The following SYT3 variants were observed in gnomAD, a reference collection of about 807,000 sequenced individuals.
SYT3 encodes synaptotagmin-3.
SYT3 carries 25 observed loss-of-function variants against 50.6 expected under a neutral mutation model. The ratio of observed to expected loss-of-function variants is 0.49; its 90% CI spans 0.36 to 0.69. The LOEUF is 0.69. Among genes scored for constraint, SYT3 ranks in the 30% least tolerant of loss-of-function variants. The pLI is 0.00. For missense variants in SYT3, 589 were observed against 793.6 expected (o/e 0.74, Z 3.10); for synonymous variants, 323 against 353.9 (o/e 0.91, Z 0.98).
At chr19:50,626,322 C>T (rs1984060484) in intron 6 of SYT3, among the ~76,000 whole-genome samples, 1 of 151,940 alleles carries the variant, frequency 6.6e-6, no homozygotes, top group Non-Finnish European at 1.5e-5. Flanking sequence ...TAGACTGAGA[C>T]AGAAGCCAAA....
the SYT3 span, among the ~76,000 whole-genome samples, chr19:50,646,632 A>C: frequency 6.6e-6 from 1 of 151,996 alleles, no homozygotes; most frequent in East Asian, 1.9e-4. Flanking sequence ...GGAGACAGAA[A>C]ACACAACTGG....
In SYT3 at chr19:50,632,515, C is replaced by T; in HGVS notation, c.445G>A (p.Gly149Ser). 6.2e-7 allele frequency: 1 copy of T among 1,610,042 alleles called. No individual in the cohort carries two copies. Among genetic ancestry groups the T allele is most frequent in the Non-Finnish European group, 8.5e-7 (1 of 1,178,790 alleles). ...GGGGTGTCAGAACCCCCCAGGCTGC[C>T]TGGCTCCAGCAGCTCAGCAAAGGGT... ...HPPFAELLEP[G>S]SLGGSDTPEP... The change falls in exon 4 of 11, where the codon GGC becomes AGC. Residue 149 changes from glycine to serine, a missense_variant. Gly to Ser is a moderately conservative substitution (Grantham distance 56). Coordinates refer to ENST00000600079, the MANE Select transcript of SYT3 (RefSeq NM_001160329.2). This position sits in a 1 kb window ranked among gnomAD's most constrained non-coding sequence, Gnocchi z 4.7.
Position 50,625,388 on chromosome 19 carries a change from C to T in SYT3, c.1574+5G>A, listed in dbSNP as rs986928146. The T allele has an allele frequency of 1.9e-6, 3 of 1,548,102 alleles. No individual in the cohort carries two copies. The highest frequency in any genetic ancestry group is 2.6e-6 in the Non-Finnish European group (3 of 1,146,796). On this transcript the variant is annotated splice_donor_5th_base_variant and intron_variant, in intron 8 of 10. Coordinates refer to ENST00000600079, the MANE Select transcript of SYT3 (RefSeq NM_001160329.2). This position sits in a 1 kb window ranked among gnomAD's most constrained non-coding sequence, Gnocchi z 7.5. ...CCTGACCCCCGCCCGGGCCGCGCCC[C>T]TCACCAGTCGTAGTCTACCACGGCG... is the stretch of plus-strand genomic sequence containing the variant.
At position 50,625,763 on chromosome 19, in the gene SYT3, C is replaced by A; in HGVS notation, c.1402+134G>T. The A allele has an allele frequency of 3.7e-6, 3 of 818,196 alleles. 1 individual carries two copies. The highest frequency in any genetic ancestry group is 1.7e-5 in the South Asian group (1 of 59,768). The allele number at this position is 818,196 out of a possible 1,614,324, so 50.7% of individuals were successfully genotyped here. A position where few individuals can be genotyped will look rare whatever the true frequency, so the allele number is the denominator to read the frequency against. ...CAGGAGTCCAGGCCCCTGGCCCCTC[C>A]TCCCTCAGACCCAGGAGTCCAGATC... On this transcript the variant is annotated intron_variant, in intron 7 of 10. Transcript: ENST00000600079. The surrounding 1 kb of genome is among the most constrained non-coding windows in gnomAD (Gnocchi z 7.5).
At chr19:50,656,119 C>T in the SYT3 span, 1 of 1,536,146 alleles carries the variant, frequency 6.5e-7, no homozygotes, top group Non-Finnish European at 8.7e-7. Context: ...CCCATCAAAT[C>T]CTCGTGAGTT....
At chr19:50,633,524 C>T (rs180860414) in intron 3 of SYT3, among the ~76,000 whole-genome samples, 188 of 152,308 alleles carry the variant, frequency 1.2e-3, no homozygotes, top group African/African-American at 4.3e-3. Context: ...GGACCCTGCA[C>T]GACACAGTTA....
At chr19:50,646,836 TATTA>T in the SYT3 span, among the ~76,000 whole-genome samples, 3 of 150,238 alleles carry the variant, frequency 2.0e-5, no homozygotes, top group Non-Finnish European at 4.4e-5. Context: ...TTTATTTATT[TATTA>T]TTTTGTTTGA....
rs1291014341 is a variant in SYT3 at position 50,632,569 on chromosome 19, G to A, written c.391C>T (p.His131Tyr). Residue 131 changes from histidine (H) to tyrosine (Y), a missense_variant, in exon 4 of 11, where the codon CAC becomes TAC. Around this residue, in one of 2 missense-constraint regions of SYT3, gnomAD observed 316 missense variants for 354.3 expected, o/e 0.89. Coordinates refer to ENST00000600079, the MANE Select transcript of SYT3 (RefSeq NM_001160329.2). This position sits in a 1 kb window ranked among gnomAD's most constrained non-coding sequence, Gnocchi z 4.7. The part of the protein sequence containing the change: ...LGGHPLLGGP[H>Y]HHAHAAHHPP... ...TGGTGGGCGGCATGGGCATGGTGGTGTGGGCCGCCCAGCAGAGGATGGCCA... is the reference window on the plus strand; with the variant it reads ...TGGTGGGCGGCATGGGCATGGTGGTATGGGCCGCCCAGCAGAGGATGGCCA... 22 of 1,592,952 alleles carry A rather than the reference G, an allele frequency of 1.4e-5. No homozygotes were observed. Among genetic ancestry groups the A allele is most frequent in the Admixed American group, 3.4e-5 (2 of 58,966 alleles).
the SYT3 span, among the ~76,000 whole-genome samples, chr19:50,645,819 G>A: frequency 6.6e-6 from 1 of 152,146 alleles, no homozygotes; most frequent in African/African-American, 2.4e-5. Context: ...GGTTGACGCT[G>A]CAGTGAGCTA....
chr19:50,655,872 C>T, the SYT3 span, among the ~76,000 whole-genome samples: 1 of 152,164 alleles, frequency 6.6e-6, no homozygotes, highest in Admixed American at 6.5e-5. Context: ...GAGTCTCAAC[C>T]CAGGCATCAC....
In SYT3 at chr19:50,632,705, G is replaced by T; in HGVS notation, c.255C>A (p.Asp85Glu). The T allele has an allele frequency of 6.3e-7, 1 of 1,590,270 alleles. No individual in the cohort carries two copies. ...SWKLCWVPWR[D>E]KGGSAVGGGP... ...CACCGCCCACTGCCGAGCCTCCCTT[G>T]TCCCGCCAGGGCACCCAGCACAACT... is the stretch of plus-strand genomic sequence containing the variant. Residue 85 changes from aspartate (D) to glutamate (E), a missense_variant, in exon 4 of 11, where the codon GAC (aspartate) becomes GAA (glutamate). Asp to Glu is a conservative substitution (Grantham distance 45, BLOSUM62 2). Transcript: ENST00000600079. The surrounding 1 kb of genome is among the most constrained non-coding windows in gnomAD (Gnocchi z 4.7).
chr19:50,639,784 ACTCACCCGGAGCCGCCGCT>A lies in SYT3; in HGVS notation c.-167_-154+5del. The A allele has an allele frequency of 7.8e-6, 1 of 127,890 alleles. No individual in the cohort carries two copies. Among genetic ancestry groups the A allele is most frequent in the Non-Finnish European group, 1.6e-5 (1 of 63,968 alleles). The allele number at this position is 127,890 out of a possible 1,614,324, so 7.9% of individuals were successfully genotyped here. A position where few individuals can be genotyped will look rare whatever the true frequency, so the allele number is the denominator to read the frequency against. ...GTGGCAGGAGGAGGGGGAGGAGCGG[ACTCACCCGGAGCCGCCGCT>A]GCCGCCGCTGCCGCCGCCGCCGCCG... On this transcript the variant is annotated splice_donor_variant and splice_donor_5th_base_variant and 5_prime_UTR_variant and intron_variant, in exon 1 of 11. Transcript: ENST00000600079. LOFTEE classifies it low-confidence loss of function (5UTR_SPLICE). This position sits in a 1 kb window ranked among gnomAD's most constrained non-coding sequence, Gnocchi z 4.6.
intron 3 of SYT3, among the ~76,000 whole-genome samples, chr19:50,636,612 C>A (rs528255331): frequency 1.3e-5 from 2 of 152,370 alleles, no homozygotes; most frequent in Admixed American, 6.5e-5. Context: ...ATTCCCAGAA[C>A]CCTGCTGCTT....
the SYT3 span, among the ~76,000 whole-genome samples, chr19:50,650,501 C>A: frequency 6.6e-6 from 1 of 152,136 alleles, no homozygotes; most frequent in Non-Finnish European, 1.5e-5. Flanking sequence ...TGGTGAAACC[C>A]CATCTCTAAA....
At position 50,632,436 on chromosome 19, in the gene SYT3, ACTG is replaced by A. The variant is rs753450517; in HGVS notation, c.521_523del (p.Ala174del). On this transcript the variant is annotated inframe_deletion, in exon 4 of 11. Coordinates refer to ENST00000600079, the MANE Select transcript of SYT3 (RefSeq NM_001160329.2). The surrounding 1 kb of genome is among the most constrained non-coding windows in gnomAD (Gnocchi z 4.7). Reference sequence around the variant, plus strand: ...TTGGCTCGGTTTGACCCCAGCGGCCACTGCTGCTGCTGCAGCCTCTGGATACGA... The same window carrying A: ...TTGGCTCGGTTTGACCCCAGCGGCCACTGCTGCTGCAGCCTCTGGATACGA... 2 of 1,613,262 alleles carry A rather than the reference ACTG, an allele frequency of 1.2e-6. No homozygotes were observed. The highest frequency in any genetic ancestry group is 1.7e-6 in the Non-Finnish European group (2 of 1,179,772).
In SYT3 at chr19:50,637,494, G is replaced by C. The variant is rs919035069; in HGVS notation, c.-15-68C>G. 9 of 1,424,206 alleles carry C rather than the reference G, an allele frequency of 6.3e-6. 1 individual carries two copies. In the South Asian group the frequency reaches 1.2e-4, roughly 18 times the overall value. 88.2% of individuals were successfully genotyped at this position (1,424,206 alleles called of 1,614,324 possible). ...GAATGGGAGTGCAGGGTGGGCAGGT[G>C]TGGAGATAAGGGTGGAAAGAGACAC... On this transcript the variant is annotated intron_variant, in intron 2 of 10. Transcript: ENST00000600079. The surrounding 1 kb of genome is among the most constrained non-coding windows in gnomAD (Gnocchi z 4.9).
chr19:50,640,940 C>T (rs1984656500), upstream of SYT3, among the ~76,000 whole-genome samples: 2 of 152,058 alleles, frequency 1.3e-5, no homozygotes, highest in South Asian at 4.2e-4. Flanking sequence ...AGGTAAAAAT[C>T]AAAGGCTGGG....
intron 6 of SYT3, among the ~76,000 whole-genome samples, 192 bp downstream of exon 6, chr19:50,629,102 C>T (rs1984180295): frequency 6.6e-6 from 1 of 152,164 alleles, no homozygotes; most frequent in Non-Finnish European, 1.5e-5. Context: ...GGATTATAGG[C>T]ATGAGCTACC....
upstream of SYT3, among the ~76,000 whole-genome samples, chr19:50,641,271 C>T (rs896320328): frequency 6.1e-5 from 9 of 148,044 alleles, no homozygotes; most frequent in Non-Finnish European, 8.9e-5. Flanking sequence ...GCTCCGCCTC[C>T]CGGGTTCACT....
Sources: allele counts gnomAD v4.1 joint callset (sites outside exome capture counted in the v4.1 genomes callset), GRCh38; gene constraint gnomAD v4.1.1; regional missense constraint gnomAD v4.1.1; non-coding constraint Gnocchi (gnomAD v3.1); transcripts MANE v1.5; gene names NCBI Gene and HGNC (gene_info 2026-07-23, HGNC 2026-07-21).